PRTG: variants seen among roughly 807,000 people sequenced by gnomAD.
PRTG encodes the protein immunoglobulin superfamily, DCC subclass, member 5.
PRTG carries 67 observed loss-of-function variants against 122.5 expected under a neutral mutation model. The ratio of observed to expected loss-of-function variants is 0.55; its 90% CI spans 0.45 to 0.67. The LOEUF (loss-of-function observed/expected upper bound fraction) is 0.67, where lower values mean the gene tolerates loss of function less well. PRTG is among the 30% of genes least tolerant of loss of function. The pLI is 0.00. For missense variants in PRTG, 1,435 were observed against 1,415.4 expected (o/e 1.01, Z -0.22); for synonymous variants, 554 against 501.1 (o/e 1.11, Z -1.41).
Position 55,639,712 on chromosome 15 carries a change from T to C in PRTG, c.2254A>G (p.Ile752Val), listed in dbSNP as rs1404728119. ...TTACAGCGGATGGTGTAGTTAATGA[T>C]TTGTGCAGCGGTGAATGCAGGCCTC... ...WRRPAFTAAQ[I>V]INYTIRCNPV... is the part of the protein sequence containing the mutation. Residue 752 changes from isoleucine to valine, a missense_variant, in exon 13 of 20, where the codon ATC (isoleucine) becomes GTC (valine). Ile to Val is a conservative substitution (Grantham distance 29, BLOSUM62 3). Coordinates refer to ENST00000389286, the MANE Select transcript of PRTG (RefSeq NM_173814.6). 2 of 1,614,096 alleles carry C rather than the reference T, an allele frequency of 1.2e-6. No homozygotes were observed. Among genetic ancestry groups the C allele is most frequent in the Admixed American group, 1.7e-5 (1 of 60,004 alleles).
intron 11 of PRTG, among the ~76,000 whole-genome samples, chr15:55,641,730 T>C (rs1567079983): frequency 6.6e-6 from 1 of 152,214 alleles, no homozygotes; most frequent in Non-Finnish European, 1.5e-5. Flanking sequence ...AAGTTTTAAG[T>C]TTAAATGTGT....
At chr15:55,689,794 G>A (rs757315589) in intron 2 of PRTG, among the ~76,000 whole-genome samples, 3 of 151,992 alleles carry the variant, frequency 2.0e-5, no homozygotes, top group Non-Finnish European at 2.9e-5. Context: ...CAGGCATGGC[G>A]GCGTGCACCT....
At chr15:55,741,303 T>TAGGTATTTAAA in intron 1 of PRTG, among the ~76,000 whole-genome samples, 2 of 152,212 alleles carry the variant, frequency 1.3e-5, no homozygotes, top group Non-Finnish European at 2.9e-5. Context: ...AGACAAACAA[T>TAGGTATTTAAA]AGACTTTGAA....
chr15:55,637,936 C>T (rs539365210), intron 14 of PRTG, among the ~76,000 whole-genome samples: 1 of 152,180 alleles, frequency 6.6e-6, no homozygotes, highest in South Asian at 2.1e-4. Context: ...TGGAATATTG[C>T]CAAAACCATA....
In PRTG at chr15:55,645,433, CAAAAAAAAAAA is replaced by C. The variant is rs374791424; in HGVS notation, c.2042-4236_2042-4226del. Among the ~76,000 whole-genome samples the C allele has an allele frequency of 6.3e-4, 12 of 18,954 alleles. 2 individuals carry two copies. Among genetic ancestry groups the C allele is most frequent in the East Asian group, 7.8e-3 (1 of 128 alleles). 12.4% of individuals were successfully genotyped at this position (18,954 alleles called of 152,430 possible). A position where few individuals can be genotyped will look rare whatever the true frequency, so the allele number is the denominator to read the frequency against. ...TGGGCGACAGAGCGAAACTCCGTCT[CAAAAAAAAAAA>C]AAAAAAGAGTGGAAGGAGGGACTAG... On this transcript the variant is annotated intron_variant, in intron 11 of 19. Coordinates refer to ENST00000389286, the MANE Select transcript of PRTG (RefSeq NM_173814.6).
chr15:55,695,402 T>A (rs921389102), intron 2 of PRTG, among the ~76,000 whole-genome samples: 12 of 152,206 alleles, frequency 7.9e-5, no homozygotes, highest in Admixed American at 2.0e-4. Context: ...AAGAAAAACA[T>A]CACATTCTTT....
At position 55,619,721 on chromosome 15, in the gene PRTG, G is replaced by T; in HGVS notation, c.*291C>A. 2.9e-6 allele frequency: 1 copy of T among 349,102 alleles called. No homozygotes were observed. The highest frequency in any genetic ancestry group is 5.6e-5 in the South Asian group (1 of 17,946). The allele number at this position is 349,102 out of a possible 1,614,324, so 21.6% of individuals were successfully genotyped here. A position where few individuals can be genotyped will look rare whatever the true frequency, so the allele number is the denominator to read the frequency against. On this transcript the variant is annotated 3_prime_UTR_variant, in exon 20 of 20. Coordinates refer to ENST00000389286, the MANE Select transcript of PRTG (RefSeq NM_173814.6). ...ACAATGAAACATTCAAATTACACAA[G>T]TTTAAAAATAAAAAACAAAACACAT...
chr15:55,656,110 T>A (rs2059378380), intron 11 of PRTG: 1 of 225,584 alleles, frequency 4.4e-6, no homozygotes, highest in African/African-American at 2.3e-5. Flanking sequence ...ACCCAACAAA[T>A]TTAACAATGG....
chr15:55,620,904 A>G (rs1489357011), intron 18 of PRTG, 137 bp from the exon 19 acceptor site: 2 of 765,198 alleles, frequency 2.6e-6, no homozygotes, highest in East Asian at 5.9e-5. Context: ...AGATTCAGGG[A>G]GTACATGTGC....
At chr15:55,625,478 C>G (rs894633280) in intron 17 of PRTG, among the ~76,000 whole-genome samples, 5 of 150,934 alleles carry the variant, frequency 3.3e-5, no homozygotes, top group Non-Finnish European at 5.9e-5. Context: ...TAGACAGGAT[C>G]TCTCACTCTG....
chr15:55,699,650 A>G (rs1218949832), intron 2 of PRTG, among the ~76,000 whole-genome samples: 5 of 152,218 alleles, frequency 3.3e-5, no homozygotes, highest in Non-Finnish European at 7.3e-5. Context: ...GTACATAAAT[A>G]TATGTATCAT....
At chr15:55,688,562 G>C (rs1011651539) in intron 2 of PRTG, among the ~76,000 whole-genome samples, 36 of 152,148 alleles carry the variant, frequency 2.4e-4, no homozygotes, top group African/African-American at 8.2e-4. Flanking sequence ...CCAGGCCGCC[G>C]CAGTGGCTCA....
Position 55,740,635 on chromosome 15 carries a change from T to TA in PRTG, c.143dup (p.Thr49AsnfsTer21). The TA allele has an allele frequency of 6.2e-7, 1 of 1,614,142 alleles. No homozygotes were observed. The highest frequency in any genetic ancestry group is 8.5e-7 in the Non-Finnish European group (1 of 1,180,014). ...CGACTGGGTCCTTTCTTGTGACAGT[T>TA]ACATCCTGTGGTTCTTTTACAAAAG... On this transcript the variant is annotated frameshift_variant, in exon 2 of 20. Transcript: ENST00000389286. LOFTEE classifies it high-confidence loss of function.
At chr15:55,622,079 GCCTCTA>G (rs1414803418) in intron 18 of PRTG, among the ~76,000 whole-genome samples, 1 of 151,868 alleles carries the variant, frequency 6.6e-6, no homozygotes, top group African/African-American at 2.4e-5. Flanking sequence ...TTCACTTCAG[GCCTCTA>G]CCTCTCTGCT....
intron 11 of PRTG, among the ~76,000 whole-genome samples, chr15:55,647,623 T>C (rs945691438): frequency 3.3e-5 from 5 of 152,214 alleles, no homozygotes; most frequent in Non-Finnish European, 5.9e-5. Flanking sequence ...TGAAGTACTT[T>C]GTAGAGTTCC....
intron 18 of PRTG, among the ~76,000 whole-genome samples, chr15:55,623,452 G>A (rs2579033): frequency 0.37 from 55,970 of 151,900 alleles, 11,907 homozygotes; most frequent in Non-Finnish European, 0.49. Flanking sequence ...CTGTAATCCC[G>A]GCTACTCGGG....
chr15:55,741,723 C>A (rs1285330708), intron 1 of PRTG, among the ~76,000 whole-genome samples: 1 of 152,202 alleles, frequency 6.6e-6, no homozygotes, highest in African/African-American at 2.4e-5. Context: ...TTTGTTTCTC[C>A]TCAAGGCAGG....
chr15:55,735,346 A>G (rs2031374780), intron 2 of PRTG, among the ~76,000 whole-genome samples: 1 of 152,184 alleles, frequency 6.6e-6, no homozygotes, highest in African/African-American at 2.4e-5. Flanking sequence ...TCAAAACTGC[A>G]GTCAAGAATA....
intron 11 of PRTG, among the ~76,000 whole-genome samples, chr15:55,656,511 A>G (rs956457810): frequency 8.5e-5 from 13 of 152,096 alleles, no homozygotes; most frequent in Admixed American, 8.5e-4. Flanking sequence ...AGAGCAGTGT[A>G]ATTTTTTCTT....
Sources: gnomAD v4.1 joint callset for allele counts (sites outside exome capture counted in the v4.1 genomes callset) on GRCh38, gnomAD v4.1.1 for gene constraint, MANE v1.5 for transcripts, NCBI Gene and HGNC (gene_info 2026-07-23, HGNC 2026-07-21) for gene names.